EPM2A: variants seen among roughly 807,000 people sequenced by gnomAD.
The protein encoded by EPM2A is laforin.
Under a neutral mutation model 26.5 loss-of-function variants are expected in EPM2A, and 21 were observed. The observed-to-expected ratio is 0.79, with a 90% confidence interval of 0.56 to 1.14. EPM2A has a LOEUF of 1.14. EPM2A is among the 50% of genes most tolerant of loss of function. The probability of loss-of-function intolerance (pLI) is 0.00; values close to 1 mark genes in which losing one functional copy is unlikely to be tolerated. For missense variants in EPM2A, 458 were observed against 440.8 expected (o/e 1.04, Z -0.35); for synonymous variants, 217 against 177.6 (o/e 1.22, Z -1.76).
rs769834662 is a variant in EPM2A at position 145,683,302 on chromosome 6, TGTGTGA to T, written c.476+2814_476+2819del. On this transcript the variant is annotated intron_variant, in intron 2 of 3. Coordinates refer to ENST00000367519, the MANE Select transcript of EPM2A (RefSeq NM_005670.4). Reference sequence around the variant, plus strand: ...GTGTGTGTGTGTGTGTGTGTGTGTGTGTGTGAGTGTGTATATATTAGATTATATATT... The same window carrying T: ...GTGTGTGTGTGTGTGTGTGTGTGTGTGTGTGTATATATTAGATTATATATT... 9.0e-3 allele frequency among the ~76,000 whole-genome samples: 1,341 copies of T among 149,088 alleles called. 14 individuals carry two copies. The highest frequency in any genetic ancestry group is 0.015 in the Non-Finnish European group (1,003 of 67,246).
intron 4 of EPM2A, among the ~76,000 whole-genome samples, chr6:145,415,232 A>G (rs1193348349): frequency 6.6e-6 from 1 of 152,206 alleles, no homozygotes; most frequent in African/African-American, 2.4e-5. Flanking sequence ...AGAACATTCA[A>G]TATGTTAAAA....
At chr6:145,410,552 T>A (rs17075151) in intron 4 of EPM2A, among the ~76,000 whole-genome samples, 7,477 of 152,264 alleles carry the variant, frequency 0.049, 614 homozygotes, top group African/African-American at 0.17. Flanking sequence ...CTGCTGGAAG[T>A]TGTCAATGAT....
At chr6:145,637,909 G>C (rs1360311869) in intron 2 of EPM2A, 2 of 152,242 alleles carry the variant, frequency 1.3e-5, no homozygotes, top group African/African-American at 2.4e-5. Flanking sequence ...GCCTAGTGAG[G>C]TGATAGTGCT....
At chr6:145,514,030 G>A (rs1474404252) in intron 2 of EPM2A, among the ~76,000 whole-genome samples, 1 of 152,198 alleles carries the variant, frequency 6.6e-6, no homozygotes, top group Non-Finnish European at 1.5e-5. Context: ...GTGGGAGAGA[G>A]AGGGAGAGGT....
At chr6:145,587,455 G>C (rs1472352353) in intron 2 of EPM2A, among the ~76,000 whole-genome samples, 1 of 152,134 alleles carries the variant, frequency 6.6e-6, no homozygotes, top group South Asian at 2.1e-4. Context: ...ATCCACAACA[G>C]AGGACAAAAT....
intron 4 of EPM2A, among the ~76,000 whole-genome samples, chr6:145,411,758 C>A (rs147355495): frequency 6.6e-6 from 1 of 152,110 alleles, no homozygotes. Context: ...ACTCAAAGAG[C>A]GTAAGAACAT....
chr6:145,705,958 T>C (rs1782201108), intron 1 of EPM2A: 1 of 456,696 alleles, frequency 2.2e-6, no homozygotes, highest in Middle Eastern at 3.3e-4. Context: ...TCTCTCTGTA[T>C]ATGTGATGGG....
intron 1 of EPM2A, among the ~76,000 whole-genome samples, chr6:145,711,351 CCA>C (rs1331971347): frequency 6.6e-6 from 1 of 152,200 alleles, no homozygotes; most frequent in Admixed American, 6.5e-5. Flanking sequence ...TTCTACGTTT[CCA>C]CACACTTGAA....
At chr6:145,630,660 A>T (rs1245750157) in intron 3 of EPM2A, 1 of 152,194 alleles carries the variant, frequency 6.6e-6, no homozygotes, top group Non-Finnish European at 1.5e-5. Context: ...GTGCCCACTC[A>T]TCTCAGCCTG....
intron 1 of EPM2A, among the ~76,000 whole-genome samples, chr6:145,692,390 A>G (rs1473388289): frequency 6.6e-6 from 1 of 152,038 alleles, no homozygotes; most frequent in East Asian, 1.9e-4. Flanking sequence ...TTTATACAGC[A>G]CCCAATATAG....
intron 2 of EPM2A, among the ~76,000 whole-genome samples, chr6:145,596,119 T>C (rs1055213421): frequency 6.6e-6 from 1 of 152,222 alleles, no homozygotes; most frequent in African/African-American, 2.4e-5. Context: ...CTACGTATTA[T>C]CATATCAGTA....
chr6:145,413,017 A>G (rs1778663921), intron 4 of EPM2A, among the ~76,000 whole-genome samples: 1 of 152,200 alleles, frequency 6.6e-6, no homozygotes, highest in Non-Finnish European at 1.5e-5. Context: ...ATATGGTGAC[A>G]AAAGGCAGGA....
chr6:145,732,530 C>A (rs765194493), intron 1 of EPM2A, among the ~76,000 whole-genome samples: 3 of 151,942 alleles, frequency 2.0e-5, no homozygotes, highest in Non-Finnish European at 4.4e-5. Flanking sequence ...AATATGCATT[C>A]ATCAAGTAGT....
At chr6:145,560,760 G>A (rs970860226) in intron 2 of EPM2A, among the ~76,000 whole-genome samples, 11 of 152,022 alleles carry the variant, frequency 7.2e-5, no homozygotes, top group Admixed American at 5.9e-4. Flanking sequence ...AGGGATGTCA[G>A]GTATCAAAAA....
chr6:145,663,559 C>T (rs1737185), intron 2 of EPM2A, among the ~76,000 whole-genome samples: 60,462 of 151,588 alleles, frequency 0.4, 14,232 homozygotes, highest in Non-Finnish European at 0.52. Context: ...GAAAGTGATG[C>T]GGAGAATAGA....
intron 1 of EPM2A, among the ~76,000 whole-genome samples, chr6:145,719,676 A>G (rs1235035687): frequency 6.6e-6 from 1 of 152,210 alleles, no homozygotes; most frequent in Non-Finnish European, 1.5e-5. Context: ...CTTCTGCTTT[A>G]GTCCTTACTT....
chr6:145,500,265 G>A (rs573057959), downstream of EPM2A, among the ~76,000 whole-genome samples: 94 of 152,234 alleles, frequency 6.2e-4, no homozygotes, highest in Admixed American at 2.5e-3. Context: ...AAATAAAATA[G>A]GAGTGACAGA....
chr6:145,468,984 T>TA (rs1165936079), intron 4 of EPM2A, among the ~76,000 whole-genome samples: 1 of 152,128 alleles, frequency 6.6e-6, no homozygotes, highest in Non-Finnish European at 1.5e-5. Flanking sequence ...CAAAAGATCT[T>TA]AATAGACATT....
At chr6:145,446,377 C>CTGGTATAATATGCTATGTAGCA (rs1429861166) in intron 4 of EPM2A, among the ~76,000 whole-genome samples, 4 of 152,106 alleles carry the variant, frequency 2.6e-5, no homozygotes, top group Admixed American at 6.6e-5. Context: ...ATAACTAGAT[C>CTGGTATAATATGCTATGTAGCA]ATCAGTGGGC....
Sources: gnomAD v4.1 joint callset for allele counts (sites outside exome capture counted in the v4.1 genomes callset) on GRCh38, gnomAD v4.1.1 for gene constraint, MANE v1.5 for transcripts, NCBI Gene and HGNC (gene_info 2026-07-23, HGNC 2026-07-21) for gene names.